The following RBFOX1 variants were observed in gnomAD, a reference collection of about 807,000 sequenced individuals.
RBFOX1 encodes the protein RNA binding fox-1 homolog 1.
Under a neutral mutation model 57.7 loss-of-function variants are expected in RBFOX1, and 8 were observed. That is an observed-to-expected ratio of 0.14 (90% CI 0.08 to 0.25). The LOEUF (loss-of-function observed/expected upper bound fraction) is 0.25, where lower values mean the gene tolerates loss of function less well. Among genes scored for constraint, RBFOX1 ranks in the 10% least tolerant of loss-of-function variants. The pLI is 1.00. For missense variants in RBFOX1, 611 were observed against 548.5 expected (o/e 1.11, Z -1.14); for synonymous variants, 326 against 222.4 (o/e 1.47, Z -4.15).
At chr16:6,048,694 C>T (rs1483891883) in intron 1 of RBFOX1, among the ~76,000 whole-genome samples, 4 of 152,072 alleles carry the variant, frequency 2.6e-5, no homozygotes, top group Admixed American at 6.5e-5. Context: ...TCATTATATA[C>T]GAGTGACCTT....
intron 1 of RBFOX1, among the ~76,000 whole-genome samples, chr16:5,395,512 G>T (rs2066526468): frequency 6.6e-6 from 1 of 152,144 alleles, no homozygotes; most frequent in South Asian, 2.1e-4. Flanking sequence ...GTGGTTGAGG[G>T]AAATTTCTTC....
chr16:6,666,277 T>C (rs1039414665), intron 3 of RBFOX1, among the ~76,000 whole-genome samples: 9 of 152,176 alleles, frequency 5.9e-5, no homozygotes, highest in African/African-American at 2.2e-4. Flanking sequence ...CTCATGCCTA[T>C]AATCCCAGCA....
At chr16:7,242,919 T>C (rs950716799) in intron 4 of RBFOX1, among the ~76,000 whole-genome samples, 2 of 152,172 alleles carry the variant, frequency 1.3e-5, no homozygotes, top group African/African-American at 4.8e-5. Context: ...ATCCTGCATA[T>C]GGGGCTGTGT....
chr16:7,192,972 A>G (rs1267002222), intron 4 of RBFOX1, among the ~76,000 whole-genome samples: 2 of 152,198 alleles, frequency 1.3e-5, no homozygotes, highest in Admixed American at 6.5e-5. Context: ...GTCGACAGAC[A>G]TCTTTGGGTT....
rs182240192 is a variant in RBFOX1 at position 7,220,416 on chromosome 16, A to G, written c.27+168318A>G. Among the ~76,000 whole-genome samples the G allele has an allele frequency of 6.6e-5, 10 of 152,308 alleles. No individual in the cohort carries two copies. In the East Asian group the frequency reaches 7.7e-4, roughly 12 times the overall value. On this transcript the variant is annotated intron_variant, in intron 4 of 15. Transcript: ENST00000550418. ...CTCAAAGAAGGTGCAATGCATTACA[A>G]TGCTAGAGAGAAAAGTGTTCATAGG...
At chr16:6,899,976 T>A (rs2068042946) in intron 3 of RBFOX1, among the ~76,000 whole-genome samples, 1 of 152,150 alleles carries the variant, frequency 6.6e-6, no homozygotes, top group Non-Finnish European at 1.5e-5. Context: ...CAAGGTTAAT[T>A]TGCCTTTCTG....
At chr16:5,482,711 C>A (rs2069588079) in intron 2 of RBFOX1, among the ~76,000 whole-genome samples, 1 of 152,132 alleles carries the variant, frequency 6.6e-6, no homozygotes, top group Non-Finnish European at 1.5e-5. Flanking sequence ...TCTGTACCTA[C>A]CATCCTTGCT....
chr16:5,839,560 G>A (rs2056563397), intron 3 of RBFOX1, among the ~76,000 whole-genome samples: 1 of 152,038 alleles, frequency 6.6e-6, no homozygotes, highest in Non-Finnish European at 1.5e-5. Flanking sequence ...AACATACCTG[G>A]CCATCAGAGG....
intron 1 of RBFOX1, among the ~76,000 whole-genome samples, chr16:5,438,237 C>T (rs1198099678): frequency 6.6e-6 from 1 of 152,188 alleles, no homozygotes; most frequent in Admixed American, 6.5e-5. Context: ...GTTGTGATCA[C>T]CCTCACTCCC....
At chr16:5,598,333 G>C (rs573584227) in intron 2 of RBFOX1, among the ~76,000 whole-genome samples, 1 of 152,068 alleles carries the variant, frequency 6.6e-6, no homozygotes, top group Non-Finnish European at 1.5e-5. Flanking sequence ...CAGCATCCTC[G>C]GTCTGGGACG....
intron 3 of RBFOX1, among the ~76,000 whole-genome samples, chr16:6,934,814 G>GGT (rs2077104920): frequency 6.6e-6 from 1 of 152,088 alleles, no homozygotes; most frequent in Admixed American, 6.5e-5. Context: ...AGCCAGGTGC[G>GGT]GTGGCTCCTG....
At chr16:5,471,924 T>G (rs1320503589) in intron 2 of RBFOX1, among the ~76,000 whole-genome samples, 2 of 152,030 alleles carry the variant, frequency 1.3e-5, no homozygotes, top group African/African-American at 4.8e-5. Flanking sequence ...GCAGCATGGG[T>G]GGAAAAAAGT....
chr16:6,153,898 C>A (rs1321406276), intron 1 of RBFOX1, among the ~76,000 whole-genome samples: 1 of 152,184 alleles, frequency 6.6e-6, no homozygotes, highest in Non-Finnish European at 1.5e-5. Flanking sequence ...TGAGAACATA[C>A]AATGTTTTGT....
intron 3 of RBFOX1, among the ~76,000 whole-genome samples, chr16:6,723,293 A>G (rs916908335): frequency 2.0e-5 from 3 of 152,346 alleles, no homozygotes. Flanking sequence ...ATCATTTAAT[A>G]TAGGCACCTA....
chr16:7,286,306 A>G (rs1472514787), intron 4 of RBFOX1, among the ~76,000 whole-genome samples: 1 of 152,190 alleles, frequency 6.6e-6, no homozygotes, highest in Non-Finnish European at 1.5e-5. Flanking sequence ...CACCTTCAGC[A>G]TCATACAAAC....
At chr16:7,672,882 A>AAAAAAAAAAAAAAAAT (rs1412643856) in intron 13 of RBFOX1, among the ~76,000 whole-genome samples, 1 of 149,958 alleles carries the variant, frequency 6.7e-6, no homozygotes, top group Non-Finnish European at 1.5e-5. Context: ...AAAAAAAAAA[A>AAAAAAAAAAAAAAAAT]AAAAAAGAAC....
chr16:6,418,519 A>ATTTTTTT (rs567448072), intron 2 of RBFOX1, among the ~76,000 whole-genome samples: 9 of 100,956 alleles, frequency 8.9e-5, no homozygotes, highest in African/African-American at 3.2e-4. Context: ...TGCAAGCCTT[A>ATTTTTTT]TTTTTTTTTT....
intron 4 of RBFOX1, among the ~76,000 whole-genome samples, chr16:7,412,711 T>C (rs2098441290): frequency 6.6e-6 from 1 of 152,208 alleles, no homozygotes; most frequent in Admixed American, 6.5e-5. Context: ...CAAATTTGTA[T>C]GGCTTTTTTA....
chr16:5,333,886 A>G (rs1449702470), intron 1 of RBFOX1, among the ~76,000 whole-genome samples: 1 of 152,192 alleles, frequency 6.6e-6, no homozygotes, highest in African/African-American at 2.4e-5. Context: ...CAGCATTATA[A>G]TCTTATGGAC....
Sources: allele counts gnomAD v4.1 joint callset (sites outside exome capture counted in the v4.1 genomes callset), GRCh38; gene constraint gnomAD v4.1.1; transcripts MANE v1.5; gene names NCBI Gene and HGNC (gene_info 2026-07-23, HGNC 2026-07-21).